Variants in MAD1L1 observed in about 807,000 individuals in gnomAD.
MAD1L1 encodes mitotic arrest deficient 1 like 1, also known as mitotic spindle assembly checkpoint protein MAD1.
A neutral mutation model predicts 96.9 loss-of-function variants in MAD1L1; 95 were observed. The ratio of observed to expected loss-of-function variants is 0.98; its 90% CI spans 0.83 to 1.16. The LOEUF (loss-of-function observed/expected upper bound fraction) is 1.16, where lower values mean the gene tolerates loss of function less well. Among genes scored for constraint, MAD1L1 ranks in the 50% most tolerant of loss-of-function variants. MAD1L1 has a pLI of 0.00. For missense variants in MAD1L1, 1,007 were observed against 954.4 expected, an observed-to-expected ratio of 1.06 and a Z score of -0.73; for synonymous variants, 473 against 396.6, an observed-to-expected ratio of 1.19 and a Z score of -2.29.
At chr7:2,125,882 T>C (rs1788207550) in intron 11 of MAD1L1, among the ~76,000 whole-genome samples, 1 of 130,674 alleles carries the variant, frequency 7.7e-6, no homozygotes, top group African/African-American at 2.5e-5. Flanking sequence ...AGCTTACGCG[T>C]CTGTTTTAAG....
At position 1,980,473 on chromosome 7, in the gene MAD1L1, C is replaced by T. The variant is rs1780850912; in HGVS notation, c.1485G>A (p.Arg495=). 1 of 1,610,692 alleles carries T rather than the reference C, an allele frequency of 6.2e-7. No homozygotes were observed. Among genetic ancestry groups the T allele is most frequent in the Non-Finnish European group, 8.5e-7 (1 of 1,178,714 alleles). The change falls in exon 15 of 19, where the codon AGG becomes AGA. Residue 495 remains arginine, a synonymous_variant. Transcript: ENST00000265854. ...SSAEQSFLFS[R]EEADTLRLKV... ...CGTACCTGAGCGTGTCCGCCTCCTC[C>T]CTGGAGAACAGGAAGCTCTGTTCGG...
chr7:1,907,632 C>T (rs1787748505), intron 17 of MAD1L1, among the ~76,000 whole-genome samples: 1 of 152,234 alleles, frequency 6.6e-6, no homozygotes, highest in Non-Finnish European at 1.5e-5. Flanking sequence ...GACAAGTCAC[C>T]TCATCTCTCT....
intron 12 of MAD1L1, among the ~76,000 whole-genome samples, chr7:2,028,731 G>A (rs1038969467): frequency 1.1e-4 from 17 of 152,086 alleles, no homozygotes; most frequent in African/African-American, 2.7e-4. Context: ...ACACACCAAC[G>A]AAACAATACA....
chr7:1,937,373 AG>A (rs1195553698), intron 16 of MAD1L1, among the ~76,000 whole-genome samples: 3 of 152,206 alleles, frequency 2.0e-5, no homozygotes, highest in African/African-American at 7.2e-5. Flanking sequence ...ATGGAAGGCA[AG>A]GGAGCCTGGC....
intron 17 of MAD1L1, among the ~76,000 whole-genome samples, chr7:1,904,240 G>A (rs111395774): frequency 0.027 from 3,468 of 129,374 alleles, 154 homozygotes; most frequent in African/African-American, 0.11. Context: ...AAGCTCTTGC[G>A]GAACTCATGA....
intron 12 of MAD1L1, among the ~76,000 whole-genome samples, chr7:2,068,290 G>C (rs1584244144): frequency 6.6e-6 from 1 of 152,246 alleles, no homozygotes; most frequent in East Asian, 1.9e-4. Context: ...TTAGGAGACA[G>C]CATGGAGCCG....
intron 10 of MAD1L1, among the ~76,000 whole-genome samples, chr7:2,212,409 G>A (rs1792994004): frequency 6.6e-6 from 1 of 152,206 alleles, no homozygotes; most frequent in Admixed American, 6.5e-5. Flanking sequence ...CCTGCCCCAT[G>A]CCTCATGTTG....
chr7:2,023,351 A>G (rs73047003), intron 12 of MAD1L1, among the ~76,000 whole-genome samples: 5,188 of 152,370 alleles, frequency 0.034, 187 homozygotes, highest in Admixed American at 0.095. Context: ...GACCACACTA[A>G]AATTAAACTG....
chr7:1,872,879 C>G (rs567148038), intron 18 of MAD1L1: 6 of 152,370 alleles, frequency 3.9e-5, no homozygotes, highest in African/African-American at 1.4e-4. Flanking sequence ...AATAAAACGT[C>G]AACGCTTCCA....
At chr7:1,912,929 C>T (rs1178983791) in intron 17 of MAD1L1, among the ~76,000 whole-genome samples, 2 of 152,016 alleles carry the variant, frequency 1.3e-5, no homozygotes, top group Non-Finnish European at 2.9e-5. Context: ...GGGCTCCGGC[C>T]GCTTTGCATG....
intron 16 of MAD1L1, among the ~76,000 whole-genome samples, chr7:1,943,353 T>C (rs1382764937): frequency 6.6e-6 from 1 of 151,950 alleles, no homozygotes; most frequent in Non-Finnish European, 1.5e-5. Flanking sequence ...TGTCTGCAAA[T>C]CTATACCCGA....
chr7:2,030,703 G>A (rs1293117128), intron 12 of MAD1L1, among the ~76,000 whole-genome samples: 4 of 152,262 alleles, frequency 2.6e-5, no homozygotes, highest in Non-Finnish European at 5.9e-5. Context: ...TTTTCCCGAT[G>A]AAAGGGTTCT....
At chr7:1,917,220 C>T (rs915608460) in intron 17 of MAD1L1, among the ~76,000 whole-genome samples, 1 of 152,196 alleles carries the variant, frequency 6.6e-6, no homozygotes. Context: ...GAGGGAGCCG[C>T]GGCATGGAGC....
At chr7:2,007,919 G>T (rs1222146492) in intron 13 of MAD1L1, among the ~76,000 whole-genome samples, 1 of 152,218 alleles carries the variant, frequency 6.6e-6, no homozygotes, top group Non-Finnish European at 1.5e-5. Flanking sequence ...CTGATACAAC[G>T]TTGATGGGTC....
At chr7:2,224,739 T>G (rs544605564) in intron 4 of MAD1L1, among the ~76,000 whole-genome samples, 1 of 152,298 alleles carries the variant, frequency 6.6e-6, no homozygotes, top group South Asian at 2.1e-4. Context: ...GGCAAAGTGC[T>G]GTTAATCAGA....
intron 15 of MAD1L1, among the ~76,000 whole-genome samples, chr7:1,972,630 T>TA (rs1283531420): frequency 2.6e-5 from 4 of 152,130 alleles, no homozygotes; most frequent in African/African-American, 4.8e-5. Flanking sequence ...AGCCAGAACT[T>TA]ATTGTTTTAA....
intron 12 of MAD1L1, among the ~76,000 whole-genome samples, chr7:2,047,543 T>A (rs1018452832): frequency 6.6e-6 from 1 of 152,226 alleles, no homozygotes; most frequent in African/African-American, 2.4e-5. Flanking sequence ...TATTGCTGTT[T>A]AATAACTATC....
intron 11 of MAD1L1, among the ~76,000 whole-genome samples, chr7:2,070,571 C>T (rs1487585329): frequency 6.6e-6 from 1 of 152,254 alleles, no homozygotes; most frequent in Admixed American, 6.5e-5. Flanking sequence ...AGGGCCCATC[C>T]CTACTCAGAC....
intron 18 of MAD1L1, among the ~76,000 whole-genome samples, chr7:1,887,479 G>A (rs1246030233): frequency 6.6e-6 from 1 of 151,602 alleles, no homozygotes; most frequent in Admixed American, 6.6e-5. Context: ...GCATGTGGCT[G>A]CCCGTGTGGG....
Sources: allele counts gnomAD v4.1 joint callset (sites outside exome capture counted in the v4.1 genomes callset), GRCh38; gene constraint gnomAD v4.1.1; transcripts MANE v1.5; gene names NCBI Gene and HGNC (gene_info 2026-07-23, HGNC 2026-07-21).